CFAP61: variants seen among roughly 807,000 people sequenced by gnomAD.
CFAP61 encodes the protein cilia- and flagella-associated protein 61.
A neutral mutation model predicts 135.6 loss-of-function variants in CFAP61; 107 were observed. The observed-to-expected ratio is 0.79, with a 90% confidence interval of 0.67 to 0.93. CFAP61 has a LOEUF of 0.93. CFAP61 is among the 40% of genes least tolerant of loss of function. The pLI, the probability that CFAP61 is intolerant of heterozygous loss-of-function variation, is 0.00. For missense variants in CFAP61, 1,507 were observed against 1,556.2 expected (o/e 0.97, Z 0.53); for synonymous variants, 575 against 578.5 (o/e 0.99, Z 0.09).
At chr20:20,066,061 C>A (rs749578336) in intron 2 of CFAP61, among the ~76,000 whole-genome samples, 1 of 152,148 alleles carries the variant, frequency 6.6e-6, no homozygotes, top group Non-Finnish European at 1.5e-5. Flanking sequence ...ATGCAGCCAA[C>A]AGACATATGA....
At chr20:20,089,618 T>A (rs1600563592) in intron 6 of CFAP61, among the ~76,000 whole-genome samples, 1 of 145,138 alleles carries the variant, frequency 6.9e-6, no homozygotes. Flanking sequence ...TATAAGAACA[T>A]CCCACACAGG....
In CFAP61 at chr20:20,360,643, T is replaced by A. The variant is rs767684707; in HGVS notation, c.*233T>A. On this transcript the variant is annotated 3_prime_UTR_variant, in exon 27 of 27. Coordinates refer to ENST00000245957, the MANE Select transcript of CFAP61 (RefSeq NM_015585.4). The stretch of plus-strand genomic sequence containing the variant: ...AGGCTCGCTTTACAAATCCCAGGCA[T>A]GTTCCTGTGCAGAATAATCCATTTC... 3.5e-6 allele frequency: 2 copies of A among 565,556 alleles called. No homozygotes were observed. The highest frequency in any genetic ancestry group is 1.9e-5 in the African/African-American group (1 of 53,174). 35.0% of individuals were successfully genotyped at this position (565,556 alleles called of 1,614,324 possible).
chr20:20,082,318 A>G (rs551791526), intron 6 of CFAP61, among the ~76,000 whole-genome samples: 1 of 152,370 alleles, frequency 6.6e-6, no homozygotes, highest in African/African-American at 2.4e-5. Context: ...ATTCAAAACC[A>G]ATGAATTAAC....
intron 25 of CFAP61, among the ~76,000 whole-genome samples, chr20:20,298,736 A>G (rs1025819825): frequency 3.3e-5 from 5 of 152,328 alleles, no homozygotes; most frequent in African/African-American, 9.6e-5. Context: ...TGGGAACAGC[A>G]TGAGGAAGGG....
chr20:20,329,328 G>A (rs770065219), intron 25 of CFAP61, among the ~76,000 whole-genome samples: 2 of 152,104 alleles, frequency 1.3e-5, no homozygotes, highest in African/African-American at 2.4e-5. Context: ...TTTAAAAAAG[G>A]AATGGACTCA....
chr20:20,132,607 C>G (rs1266351557), intron 8 of CFAP61, among the ~76,000 whole-genome samples: 1 of 151,988 alleles, frequency 6.6e-6, no homozygotes, highest in Non-Finnish European at 1.5e-5. Flanking sequence ...GTTAAAATCT[C>G]CTGCTTTGAT....
intron 2 of CFAP61, among the ~76,000 whole-genome samples, chr20:20,064,572 G>T (rs1328266045): frequency 6.6e-6 from 1 of 152,124 alleles, no homozygotes; most frequent in Non-Finnish European, 1.5e-5. Flanking sequence ...GGCAGGACGG[G>T]CTGGGATGGC....
At chr20:20,053,945 C>T (rs2044009793) in intron 1 of CFAP61, among the ~76,000 whole-genome samples, 1 of 151,502 alleles carries the variant, frequency 6.6e-6, no homozygotes, top group African/African-American at 2.4e-5. Flanking sequence ...CTTCTGATCA[C>T]CATCCTTCTC....
At chr20:20,314,413 A>G (rs1569284894) in intron 25 of CFAP61, among the ~76,000 whole-genome samples, 1 of 150,444 alleles carries the variant, frequency 6.6e-6, no homozygotes, top group Non-Finnish European at 1.5e-5. Flanking sequence ...AAAAAAATCA[A>G]CATGAGTTTT....
rs1464466784 is a variant in CFAP61, at chr20:20,296,394, CCTG to C, written c.3217-1785_3217-1783del. ...TCCCTCCTTCCCTCCCTCCCTCCTT[CCTG>C]CCTTCCTTCTTTCTTTCTTTTCTTT... On this transcript the variant is annotated intron_variant, in intron 24 of 26. Coordinates refer to ENST00000245957, the MANE Select transcript of CFAP61 (RefSeq NM_015585.4). Among the ~76,000 whole-genome samples, 101 of 113,680 alleles carry C rather than the reference CCTG, an allele frequency of 8.9e-4. 1 individual carries two copies. The highest frequency in any genetic ancestry group is 4.2e-3 in the Admixed American group (45 of 10,722). 74.6% of individuals were successfully genotyped at this position (113,680 alleles called of 152,430 possible).
At chr20:20,242,988 G>A (rs2050127162) in intron 18 of CFAP61, among the ~76,000 whole-genome samples, 1 of 152,186 alleles carries the variant, frequency 6.6e-6, no homozygotes, top group African/African-American at 2.4e-5. Flanking sequence ...CTAGCTATAT[G>A]GTTGTATTAG....
rs16981596 is a variant in CFAP61 at position 20,161,227 on chromosome 20, G to A, written c.1026+1783G>A. On this transcript the variant is annotated intron_variant, in intron 10 of 26. Transcript: ENST00000245957. ...ATATTCCTAAGAGGGTAGCCGTTCC[G>A]TTATGAACCCAAGCAAGGATGTGGT... Among the ~76,000 whole-genome samples the A allele has an allele frequency of 7.3e-3, 1,106 of 152,214 alleles. 15 individuals carry two copies. The highest frequency in any genetic ancestry group is 0.022 in the African/African-American group (898 of 41,536).
chr20:20,129,902 C>G (rs1229701102), intron 8 of CFAP61, among the ~76,000 whole-genome samples: 1 of 151,498 alleles, frequency 6.6e-6, no homozygotes, highest in Non-Finnish European at 1.5e-5. Flanking sequence ...TTTGTCAGTT[C>G]CAAGATAGCC....
At chr20:20,199,041 G>GT (rs2056461923) in intron 16 of CFAP61, among the ~76,000 whole-genome samples, 1 of 152,174 alleles carries the variant, frequency 6.6e-6, no homozygotes, top group East Asian at 1.9e-4. Flanking sequence ...ACCATGTTTG[G>GT]TTTTCTCTGC....
rs766465847 is a variant in CFAP61, at chr20:20,056,801, G to A, written c.143+5G>A. ...GCTAAATATCATCTATCTTCTGTAA[G>A]TAGATAACTAAGTTCAAGAATGTTC... On this transcript the variant is annotated splice_donor_5th_base_variant and intron_variant, in intron 2 of 26. Coordinates refer to ENST00000245957, the MANE Select transcript of CFAP61 (RefSeq NM_015585.4). 10 of 1,613,756 alleles carry A rather than the reference G, an allele frequency of 6.2e-6. No individual in the cohort carries two copies. Among genetic ancestry groups the A allele is most frequent in the Non-Finnish European group, 7.6e-6 (9 of 1,179,800 alleles).
chr20:20,090,013 A>T (rs572800325), intron 6 of CFAP61, among the ~76,000 whole-genome samples: 2 of 152,318 alleles, frequency 1.3e-5, no homozygotes, highest in Admixed American at 6.5e-5. Flanking sequence ...ACAGGAAGGG[A>T]CTTATAGTGG....
chr20:20,166,394 C>G lies in CFAP61; in HGVS notation c.1206-3C>G. Reference sequence around the variant, plus strand: ...CTGACAGTGCTTACTGTCTTGTTTACAGGTCGCTGGATTTTATGAATTTTG... The same window carrying G: ...CTGACAGTGCTTACTGTCTTGTTTAGAGGTCGCTGGATTTTATGAATTTTG... On this transcript the variant is annotated splice_polypyrimidine_tract_variant and splice_region_variant and intron_variant, in intron 11 of 26. Transcript: ENST00000245957. 6.2e-7 allele frequency: 1 copy of G among 1,613,434 alleles called. No individual in the cohort carries two copies. The highest frequency in any genetic ancestry group is 1.1e-5 in the South Asian group (1 of 91,026).
chr20:20,246,124 A>G lies in CFAP61; in HGVS notation c.2068A>G (p.Met690Val), dbSNP rs762103927. Residue 690 changes from methionine (M) to valine (V), a missense_variant, in exon 19 of 27, where the codon ATG (methionine) becomes GTG (valine). Coordinates refer to ENST00000245957, the MANE Select transcript of CFAP61 (RefSeq NM_015585.4). Reference protein sequence around the residue: ...FLETLVFCSHMKFNNLTLIST... With the variant: ...FLETLVFCSHVKFNNLTLIST... ...ATTTTTCTTTTTCTTTAGCTCTCAC[A>G]TGAAGTTTAATAATCTTACCCTGAT... is the stretch of plus-strand genomic sequence containing the variant. 5.6e-6 allele frequency: 9 copies of G among 1,605,170 alleles called. No individual in the cohort carries two copies. The African/African-American group carries it at 8.0e-5, about 14-fold the overall frequency.
At chr20:20,313,817 G>A (rs1251547910) in intron 25 of CFAP61, among the ~76,000 whole-genome samples, 1 of 152,150 alleles carries the variant, frequency 6.6e-6, no homozygotes, top group Non-Finnish European at 1.5e-5. Context: ...CCTGGCTTCT[G>A]GTGAGAGCTT....
Sources: allele counts gnomAD v4.1 joint callset (sites outside exome capture counted in the v4.1 genomes callset), GRCh38; gene constraint gnomAD v4.1.1; transcripts MANE v1.5; gene names NCBI Gene and HGNC (gene_info 2026-07-23, HGNC 2026-07-21).